The following SMAP1 variants were observed in gnomAD, a reference collection of about 807,000 sequenced individuals.
SMAP1 encodes stromal membrane-associated protein 1.
Under a neutral mutation model 58.5 loss-of-function variants are expected in SMAP1, and 24 were observed. That is an observed-to-expected ratio of 0.41 (90% CI 0.30 to 0.58). The LOEUF is 0.58. Among genes scored for constraint, SMAP1 ranks in the 20% least tolerant of loss-of-function variants. SMAP1 has a pLI of 0.29. For synonymous variants in SMAP1, 216 were observed against 196.6 expected (o/e 1.10, Z -0.82); for missense variants, 563 against 566.3 (o/e 0.99, Z 0.06).
intron 2 of SMAP1, among the ~76,000 whole-genome samples, chr6:70,747,987 C>T (rs1173493988): frequency 1.3e-5 from 2 of 152,218 alleles, no homozygotes. Flanking sequence ...AGAACAGCTT[C>T]CCCTAAAAAA....
chr6:70,744,025 T>C (rs1012322848), intron 2 of SMAP1, among the ~76,000 whole-genome samples: 1 of 152,228 alleles, frequency 6.6e-6, no homozygotes, highest in Non-Finnish European at 1.5e-5. Flanking sequence ...GGTTAAACTT[T>C]AAATAAGGTC....
chr6:70,701,783 C>T (rs910962755), intron 1 of SMAP1, among the ~76,000 whole-genome samples: 4 of 152,174 alleles, frequency 2.6e-5, no homozygotes, highest in African/African-American at 9.7e-5. Flanking sequence ...CTAACCTCTT[C>T]AGTGCCCCTT....
chr6:70,836,986 C>A lies in SMAP1; in HGVS notation c.622C>A (p.Pro208Thr). Reference protein sequence around the residue: ...QQLEPKKSTSPKKAAEPTVDL... With the variant: ...QQLEPKKSTSTKKAAEPTVDL... ...ACTGGAGCCTAAAAAAAGTACCAGC[C>A]CTAAAAAAGCTGCGGAGCCCACTGT... Residue 208 changes from proline (P) to threonine (T), a missense_variant, in exon 7 of 11, where the codon CCT (proline) becomes ACT (threonine). Around this residue, in one of 3 missense-constraint regions of SMAP1, gnomAD observed 494 missense variants for 473.8 expected, o/e 1.04. Coordinates refer to ENST00000370455, the MANE Select transcript of SMAP1 (RefSeq NM_001044305.3). The A allele has an allele frequency of 6.2e-7, 1 of 1,603,238 alleles. No individual in the cohort carries two copies. Among genetic ancestry groups the A allele is most frequent in the South Asian group, 1.1e-5 (1 of 88,302 alleles).
At chr6:70,768,477 G>C (rs1009258288) in intron 3 of SMAP1, among the ~76,000 whole-genome samples, 2 of 152,162 alleles carry the variant, frequency 1.3e-5, no homozygotes, top group Admixed American at 6.5e-5. Flanking sequence ...GTTTAGTCTT[G>C]GGAGGGTGTA....
At chr6:70,814,153 G>A (rs1032004607) in intron 6 of SMAP1, among the ~76,000 whole-genome samples, 2 of 152,120 alleles carry the variant, frequency 1.3e-5, no homozygotes, top group Non-Finnish European at 2.9e-5. Flanking sequence ...TGGCTGTTCT[G>A]TCTTTTACAG....
intron 4 of SMAP1, among the ~76,000 whole-genome samples, chr6:70,790,322 A>G (rs1031276201): frequency 6.6e-6 from 1 of 152,020 alleles, no homozygotes; most frequent in Non-Finnish European, 1.5e-5. Context: ...TTATATTTTT[A>G]GTAGAGACGG....
At chr6:70,764,619 T>G (rs537346249) in intron 3 of SMAP1, among the ~76,000 whole-genome samples, 1 of 152,322 alleles carries the variant, frequency 6.6e-6, no homozygotes, top group South Asian at 2.1e-4. Flanking sequence ...CTGAATACAT[T>G]AAGTCCACCG....
chr6:70,686,718 T>G (rs1766950469), intron 1 of SMAP1, among the ~76,000 whole-genome samples: 2 of 152,214 alleles, frequency 1.3e-5, no homozygotes. Context: ...GGTGGTTTTA[T>G]AACATATATC....
intron 6 of SMAP1, among the ~76,000 whole-genome samples, chr6:70,822,122 TC>T (rs1769916851): frequency 6.6e-6 from 1 of 152,142 alleles, no homozygotes; most frequent in African/African-American, 2.4e-5. Flanking sequence ...GGAAAATACT[TC>T]CTGAATATAT....
chr6:70,829,553 C>A (rs1368399559), intron 6 of SMAP1, among the ~76,000 whole-genome samples: 3 of 152,122 alleles, frequency 2.0e-5, no homozygotes, highest in African/African-American at 7.2e-5. Flanking sequence ...GGGCAAGGAA[C>A]CCTGTTAGGA....
intron 7 of SMAP1, 126 bp downstream of exon 7, chr6:70,837,154 T>A: frequency 1.6e-6 from 1 of 609,586 alleles, no homozygotes; most frequent in Non-Finnish European, 2.6e-6. Context: ...TTGAAAATGG[T>A]ATGATTAGTT....
chr6:70,720,373 C>T lies in SMAP1; in HGVS notation c.119-12005C>T, dbSNP rs140132166. On this transcript the variant is annotated intron_variant, in intron 1 of 10. Coordinates refer to ENST00000370455, the MANE Select transcript of SMAP1 (RefSeq NM_001044305.3). ...GTTTTGCAGGGTACAGCCTCCTTCC[C>T]GGCTGCTTTCATGGGCTGGTGTTTA... is the stretch of plus-strand genomic sequence containing the variant. Among the ~76,000 whole-genome samples the T allele has an allele frequency of 6.4e-3, 969 of 152,260 alleles. 7 individuals are homozygous for T. Among genetic ancestry groups the T allele is most frequent in the African/African-American group, 0.022 (900 of 41,540 alleles).
intron 4 of SMAP1, among the ~76,000 whole-genome samples, chr6:70,776,409 G>C (rs533034815): frequency 7.1e-4 from 108 of 152,226 alleles, no homozygotes; most frequent in Middle Eastern, 3.4e-3. Context: ...TCGATCTCTT[G>C]ACCTCGTGAT....
At chr6:70,691,165 A>G (rs1363503646) in intron 1 of SMAP1, among the ~76,000 whole-genome samples, 1 of 151,956 alleles carries the variant, frequency 6.6e-6, no homozygotes, top group Non-Finnish European at 1.5e-5. Flanking sequence ...ATCATTGCTG[A>G]TATTGGTAGT....
chr6:70,742,947 C>T (rs945414482), intron 2 of SMAP1, among the ~76,000 whole-genome samples: 3 of 152,050 alleles, frequency 2.0e-5, no homozygotes, highest in Non-Finnish European at 4.4e-5. Context: ...AGGGGAAAAC[C>T]GCCCCCATGA....
At chr6:70,755,789 A>G (rs563531999) in intron 3 of SMAP1, among the ~76,000 whole-genome samples, 117 of 152,156 alleles carry the variant, frequency 7.7e-4, no homozygotes, top group South Asian at 6.0e-3. Context: ...CATCCTGAGT[A>G]TGTTAGAAAT....
At chr6:70,684,138 A>G (rs1055807030) in intron 1 of SMAP1, among the ~76,000 whole-genome samples, 7 of 152,374 alleles carry the variant, frequency 4.6e-5, no homozygotes, top group African/African-American at 1.4e-4. Flanking sequence ...AATTTATTCA[A>G]ACATAAATTT....
At chr6:70,837,083 T>A in intron 7 of SMAP1, 55 bp downstream of exon 7, 1 of 1,308,804 alleles carries the variant, frequency 7.6e-7, no homozygotes, top group Non-Finnish European at 1.0e-6. Flanking sequence ...TTGAAACCTT[T>A]ACTTGGAGTG....
intron 1 of SMAP1, chr6:70,668,430 C>G: frequency 8.0e-7 from 1 of 1,250,808 alleles, no homozygotes; most frequent in Non-Finnish European, 1.1e-6. Flanking sequence ...GGACCCTCCA[C>G]AGGGCTGGGG....
Sources: allele counts gnomAD v4.1 joint callset (sites outside exome capture counted in the v4.1 genomes callset), GRCh38; gene constraint gnomAD v4.1.1; regional missense constraint gnomAD v4.1.1; transcripts MANE v1.5; gene names NCBI Gene and HGNC (gene_info 2026-07-23, HGNC 2026-07-21).